CCAR2: variants seen among roughly 807,000 people sequenced by gnomAD.
The protein encoded by CCAR2 is cell cycle and apoptosis regulator protein 2.
CCAR2 carries 21 observed loss-of-function variants against 108.1 expected under a neutral mutation model. The observed-to-expected ratio is 0.19, with a 90% CI of 0.14 to 0.28. CCAR2 has a LOEUF of 0.28. CCAR2 is among the 10% of genes least tolerant of loss of function. The pLI is 1.00. For missense variants in CCAR2, 1,126 were observed against 1,177.0 expected, an observed-to-expected ratio of 0.96 and a Z score of 0.63; for synonymous variants, 577 against 472.8, an observed-to-expected ratio of 1.22 and a Z score of -2.86.
At chr8:22,616,801 G>T (rs1289981577) in intron 14 of CCAR2, 1 of 139,656 alleles carries the variant, frequency 7.2e-6, no homozygotes. Context: ...GGGCGAGAGA[G>T]TAAGACTCTC....
At position 22,614,963 on chromosome 8, in the gene CCAR2, G is replaced by A; in HGVS notation, c.1167G>A (p.Gln389=). 1 of 1,603,094 alleles carries A rather than the reference G, an allele frequency of 6.2e-7. No individual in the cohort carries two copies. The highest frequency in any genetic ancestry group is 8.5e-7 in the Non-Finnish European group (1 of 1,174,710). Residue 389 remains glutamine (Q), a synonymous_variant, in exon 11 of 21, where the codon CAG becomes CAA. Transcript: ENST00000308511. The part of the protein sequence containing the change: ...VLVRTAIRCA[Q]AQTGIDLSGC... ...TGCGTACCGCCATCCGCTGTGCGCA[G>A]GCCCAGACTGGCATTGATTTGAGCG...
chr8:22,615,057 G>T, intron 11 of CCAR2, 56 bp downstream of exon 11: 1 of 1,485,254 alleles, frequency 6.7e-7, no homozygotes, highest in Non-Finnish European at 9.0e-7. Context: ...GGGAGGTTTT[G>T]TTGGGAAGGC....
intron 16 of CCAR2, chr8:22,618,102 C>T (rs1268543788): frequency 4.9e-5 from 29 of 596,634 alleles, no homozygotes; most frequent in Middle Eastern, 4.5e-4. Context: ...TTTTTAGAGA[C>T]GGGGTTTCGC....
intron 16 of CCAR2, 144 bp from the exon 17 acceptor site, chr8:22,618,205 C>G: frequency 6.4e-6 from 7 of 1,088,354 alleles, no homozygotes; most frequent in Non-Finnish European, 9.6e-6. Context: ...ATTCTCCTGC[C>G]TTAGCCTCCC....
intron 8 of CCAR2, 87 bp downstream of exon 8, chr8:22,613,223 G>A (rs1402408406): frequency 2.2e-6 from 3 of 1,333,936 alleles, no homozygotes; most frequent in Admixed American, 3.3e-5. Context: ...AAGTGCACAT[G>A]TATGTTCTTA....
intron 7 of CCAR2, among the ~76,000 whole-genome samples, chr8:22,611,753 T>A (rs1238653730): frequency 6.6e-6 from 1 of 152,168 alleles, no homozygotes; most frequent in African/African-American, 2.4e-5. Context: ...AAAATTTGGG[T>A]ATTGCTGAGT....
At chr8:22,617,264 A>T in intron 14 of CCAR2, 156 bp from the exon 15 acceptor site, 1 of 871,836 alleles carries the variant, frequency 1.1e-6, no homozygotes, top group Non-Finnish European at 1.6e-6. Flanking sequence ...TCTGAATCCC[A>T]CTTAATGAAA....
chr8:22,616,353 A>T, intron 14 of CCAR2, 105 bp downstream of exon 14: 1 of 1,051,892 alleles, frequency 9.5e-7, no homozygotes, highest in South Asian at 1.4e-5. Flanking sequence ...CATTCCCTGC[A>T]CCCTTGCTCG....
chr8:22,611,945 C>CTCT (rs751650307), intron 7 of CCAR2, among the ~76,000 whole-genome samples: 1 of 88,294 alleles, frequency 1.1e-5, no homozygotes, highest in Non-Finnish European at 3.2e-5. Flanking sequence ...AACTGTCTCT[C>CTCT]TTTTTTTTTT....
Position 22,616,265 on chromosome 8 carries a change from C to A in CCAR2, c.1845+17C>A, listed in dbSNP as rs758441764. 1.9e-5 allele frequency: 31 copies of A among 1,608,278 alleles called. No individual in the cohort carries two copies. Among genetic ancestry groups the A allele is most frequent in the Non-Finnish European group, 2.6e-5 (31 of 1,177,250 alleles). The stretch of plus-strand genomic sequence containing the variant: ...GCCCCGCTGGTGAGTACCCTGCCAC[C>A]TCGGGCTGTCATAGTGCTTACCGTG... On this transcript the variant is annotated intron_variant, in intron 14 of 20. Coordinates refer to ENST00000308511, the MANE Select transcript of CCAR2 (RefSeq NM_001393997.1).
At chr8:22,606,468 A>G (rs1401106822) in intron 3 of CCAR2, 139 bp from the exon 4 acceptor site, 1 of 703,838 alleles carries the variant, frequency 1.4e-6, no homozygotes, top group African/African-American at 1.8e-5. Context: ...TATGCCCACC[A>G]CACCTGTACT....
At chr8:22,611,432 ATGTG>A (rs1010045074) in intron 7 of CCAR2, among the ~76,000 whole-genome samples, 69 of 144,854 alleles carry the variant, frequency 4.8e-4, no homozygotes, top group African/African-American at 1.4e-3. Context: ...GTGTGTATAT[ATGTG>A]TGTGTGTATA....
chr8:22,616,707 T>G (rs1400390023), intron 14 of CCAR2: 3 of 169,264 alleles, frequency 1.8e-5, no homozygotes, highest in Non-Finnish European at 3.9e-5. Flanking sequence ...TCTCAGCTAC[T>G]CGGGAGGCTG....
intron 20 of CCAR2, 139 bp downstream of exon 20, chr8:22,619,494 G>A: frequency 7.1e-7 from 1 of 1,400,624 alleles, no homozygotes; most frequent in Non-Finnish European, 9.8e-7. Context: ...TTGCCAGGCA[G>A]TGTGCCCCTG....
rs1801661406 is a variant in CCAR2, at chr8:22,619,351, A to G, written c.2723A>G (p.Glu908Gly). 1 of 1,557,494 alleles carries G rather than the reference A, an allele frequency of 6.4e-7. No homozygotes were observed. The highest frequency in any genetic ancestry group is 8.7e-7 in the Non-Finnish European group (1 of 1,151,436). ...PLQLEIQRVVEKADSWVEKEE... is the reference protein window; with the variant it reads ...PLQLEIQRVVGKADSWVEKEE... ...CAGCTGGAGATCCAGCGGGTGGTGG[A>G]AAAGGTAAGGTGGGGGTGGACCAGG... The change falls in exon 20 of 21, where the codon GAA becomes GGA. Residue 908 changes from glutamate (E) to glycine (G), a missense_variant. By Grantham distance (98) the Glu-to-Gly change is moderately conservative. This residue lies in a region of CCAR2 where 1,013 missense variants were observed against 993.9 expected (regional missense o/e 1.02). Coordinates refer to ENST00000308511, the MANE Select transcript of CCAR2 (RefSeq NM_001393997.1).
chr8:22,618,571 A>G (rs1801616559), intron 17 of CCAR2, 46 bp from the exon 18 acceptor site: 1 of 1,613,848 alleles, frequency 6.2e-7, no homozygotes, highest in Admixed American at 1.7e-5. Context: ...GCCCATGGCC[A>G]GGGTCGGGGA....
Position 22,616,206 on chromosome 8 carries a change from G to C in CCAR2, c.1803G>C (p.Glu601Asp). Residue 601 changes from glutamate to aspartate, a missense_variant, in exon 14 of 21, where the codon GAG becomes GAC. Glu to Asp is a conservative substitution (Grantham distance 45). Around this residue, in one of 4 missense-constraint regions of CCAR2, gnomAD observed 1,013 missense variants for 993.9 expected, o/e 1.02. Transcript: ENST00000308511. ...KEEVVKEPKD[E>D]AQNEGPATES... ...AGGTGGTCAAGGAGCCCAAGGATGA[G>C]GCACAGAATGAGGGCCCGGCTACAG... The C allele has an allele frequency of 6.2e-7, 1 of 1,613,714 alleles. No individual in the cohort carries two copies. Among genetic ancestry groups the C allele is most frequent in the Non-Finnish European group, 8.5e-7 (1 of 1,180,020 alleles).
rs1246249006 is a variant in CCAR2, at chr8:22,614,912, C to T, written c.1116C>T (p.Asp372=). The T allele has an allele frequency of 5.0e-6, 8 of 1,613,574 alleles. No individual in the cohort carries two copies. In the Admixed American group the frequency reaches 8.3e-5, roughly 17 times the overall value. The part of the protein sequence containing the change: ...GEWSPSLDGL[D]PQADPQVLVR... ...GGTCTCCTTCCCTGGATGGCCTCGA[C>T]CCCCAGGCTGACCCGCAGGTGCTGG... The change falls in exon 11 of 21, where the codon GAC becomes GAT. Residue 372 remains aspartate (D), a synonymous_variant. Transcript: ENST00000308511.
chr8:22,606,764 T>C, intron 4 of CCAR2, 66 bp downstream of exon 4: 1 of 1,480,206 alleles, frequency 6.8e-7, no homozygotes, highest in Non-Finnish European at 9.4e-7. Context: ...CATGCTGGTA[T>C]TGCCCCCACC....
Sources: gnomAD v4.1 joint callset for allele counts (sites outside exome capture counted in the v4.1 genomes callset) on GRCh38, gnomAD v4.1.1 for gene constraint, gnomAD v4.1.1 regional missense constraint, MANE v1.5 for transcripts, NCBI Gene and HGNC (gene_info 2026-07-23, HGNC 2026-07-21) for gene names.